TTC12: variants seen among roughly 807,000 people sequenced by gnomAD.
The protein encoded by TTC12 is tetratricopeptide repeat domain 12, also known as tetratricopeptide repeat protein 12.
TTC12 carries 70 observed loss-of-function variants against 90.1 expected under a neutral mutation model. That is an observed-to-expected ratio of 0.78 (90% CI 0.64 to 0.95). The LOEUF (loss-of-function observed/expected upper bound fraction) is 0.95, where lower values mean the gene tolerates loss of function less well. TTC12 is among the 40% of genes least tolerant of loss of function. The pLI is 0.00. For missense variants in TTC12, 819 were observed against 846.1 expected, an observed-to-expected ratio of 0.97 and a Z score of 0.40; for synonymous variants, 296 against 311.5, an observed-to-expected ratio of 0.95 and a Z score of 0.53.
At position 113,323,416 on chromosome 11, in the gene TTC12, A is replaced by G. The variant is rs1555139504; in HGVS notation, c.187A>G (p.Lys63Glu). Reference protein sequence around the residue: ...EEDECRTTLNKTMISPPQTAM... With the variant: ...EEDECRTTLNETMISPPQTAM... Reference sequence around the variant, plus strand: ...GGATGAATGCAGGACCACCTTGAACAAGACTATGATCAGTCCTCCACAAAC... The same window carrying G: ...GGATGAATGCAGGACCACCTTGAACGAGACTATGATCAGTCCTCCACAAAC... Residue 63 changes from lysine to glutamate, a missense_variant, in exon 3 of 22, where the codon AAG (lysine) becomes GAG (glutamate). Coordinates refer to ENST00000529221, the MANE Select transcript of TTC12 (RefSeq NM_017868.4). 6.2e-7 allele frequency: 1 copy of G among 1,610,784 alleles called. No individual in the cohort carries two copies. The highest frequency in any genetic ancestry group is 8.5e-7 in the Non-Finnish European group (1 of 1,179,042).
intron 6 of TTC12, among the ~76,000 whole-genome samples, chr11:113,325,983 C>A (rs1347416831): frequency 6.6e-6 from 1 of 152,166 alleles, no homozygotes; most frequent in Non-Finnish European, 1.5e-5. Context: ...AATGAAATGA[C>A]CTATGGGACC....
At chr11:113,344,857 G>A (rs1414439043) in intron 13 of TTC12, among the ~76,000 whole-genome samples, 4 of 152,158 alleles carry the variant, frequency 2.6e-5, no homozygotes, top group African/African-American at 9.7e-5. Flanking sequence ...TGTGGAACAA[G>A]ATGGAGTATG....
intron 2 of TTC12, 82 bp from the exon 3 acceptor site, chr11:113,323,206 G>A: frequency 9.2e-7 from 1 of 1,087,710 alleles, no homozygotes; most frequent in Non-Finnish European, 1.2e-6. Context: ...TCTTTCCCAT[G>A]CATTTTATGC....
At chr11:113,364,287 G>C in intron 20 of TTC12, 1 of 233,684 alleles carries the variant, frequency 4.3e-6, no homozygotes, top group South Asian at 7.3e-5. Flanking sequence ...TCTGAGCCTA[G>C]GTTTAGTCCA....
chr11:113,334,477 CA>C (rs1948236569), intron 7 of TTC12, among the ~76,000 whole-genome samples: 1 of 152,086 alleles, frequency 6.6e-6, no homozygotes, highest in South Asian at 2.1e-4. Context: ...ATGGTAACCT[CA>C]GCTGTTTTCT....
At chr11:113,368,432 G>A (rs751442116), downstream of TTC12, 84 of 1,550,182 alleles carry the variant, frequency 5.4e-5, no homozygotes, top group South Asian at 1.2e-4. Flanking sequence ...CAGGAGCCCC[G>A]ACACCACCCT....
At chr11:113,325,167 G>A (rs1591526731) in intron 5 of TTC12, among the ~76,000 whole-genome samples, 1 of 152,144 alleles carries the variant, frequency 6.6e-6, no homozygotes, top group Non-Finnish European at 1.5e-5. Flanking sequence ...GGCTGTGTGT[G>A]CTGCAGGTCT....
intron 7 of TTC12, among the ~76,000 whole-genome samples, chr11:113,330,819 C>T (rs1948015378): frequency 6.6e-6 from 1 of 152,138 alleles, no homozygotes; most frequent in Non-Finnish European, 1.5e-5. Flanking sequence ...TTGCACAGCA[C>T]TTCATAAAAC....
chr11:113,323,579 A>G (rs1333206641), intron 3 of TTC12, 128 bp downstream of exon 3: 1 of 598,542 alleles, frequency 1.7e-6, no homozygotes, highest in Non-Finnish European at 2.6e-6. Context: ...TATTTTTTAT[A>G]AGAAAGTATA....
At chr11:113,326,426 A>T (rs553344726) in intron 6 of TTC12, among the ~76,000 whole-genome samples, 23 of 152,286 alleles carry the variant, frequency 1.5e-4, no homozygotes, top group Admixed American at 1.5e-3. Context: ...AGAATATGTC[A>T]GCAGGACCTG....
At chr11:113,368,347 A>G (rs1399142523), downstream of TTC12, 3 of 1,547,346 alleles carry the variant, frequency 1.9e-6, no homozygotes, top group Non-Finnish European at 2.6e-6. Flanking sequence ...CCCCTAACAC[A>G]TGCTACCATG....
At position 113,323,510 on chromosome 11, in the gene TTC12, G is replaced by A. The variant is rs143422277; in HGVS notation, c.222+59G>A. 2.6e-4 allele frequency: 314 copies of A among 1,222,640 alleles called. No individual in the cohort carries two copies. In the African/African-American group the frequency reaches 4.2e-3, roughly 16 times the overall value. The allele number at this position is 1,222,640 out of a possible 1,614,324, so 75.7% of individuals were successfully genotyped here. A position where few individuals can be genotyped will look rare whatever the true frequency, so the allele number is the denominator to read the frequency against. On this transcript the variant is annotated intron_variant, in intron 3 of 21. Transcript: ENST00000529221. ...TTACAGTGAGAAGACCTACACCTAG[G>A]CAGTAGTTTAATCTCAAACTGTCCA...
At chr11:113,337,964 G>A (rs1948463719) in intron 8 of TTC12, among the ~76,000 whole-genome samples, 1 of 152,144 alleles carries the variant, frequency 6.6e-6, no homozygotes. Flanking sequence ...TTCTGTTCCT[G>A]CGACACTGTT....
At chr11:113,342,266 C>T (rs1555146427) in intron 12 of TTC12, among the ~76,000 whole-genome samples, 5 of 152,042 alleles carry the variant, frequency 3.3e-5, no homozygotes, top group Non-Finnish European at 7.4e-5. Flanking sequence ...TTTTGCTAAC[C>T]ACAGTACCTT....
rs533380106 is a variant in TTC12, at chr11:113,353,537, C to T, written c.1446+1330C>T. 2.6e-5 allele frequency among the ~76,000 whole-genome samples: 4 copies of T among 152,214 alleles called. No homozygotes were observed. In the East Asian group the frequency reaches 5.8e-4, roughly 22 times the overall value. On this transcript the variant is annotated intron_variant, in intron 16 of 21. Coordinates refer to ENST00000529221, the MANE Select transcript of TTC12 (RefSeq NM_017868.4). ...GTGTCTTTGTCATGAAATCTTTGCT[C>T]GTTCCTGTGTGTAGAATGGTATTGC...
chr11:113,362,724 A>G lies in TTC12; in HGVS notation c.1716+222A>G, dbSNP rs61454356. Among the ~76,000 whole-genome samples, 872 of 152,310 alleles carry G rather than the reference A, an allele frequency of 5.7e-3. 11 individuals are homozygous for G. The highest frequency in any genetic ancestry group is 0.02 in the African/African-American group (830 of 41,572). On this transcript the variant is annotated intron_variant, in intron 19 of 21. Coordinates refer to ENST00000529221, the MANE Select transcript of TTC12 (RefSeq NM_017868.4). Reference sequence around the variant, plus strand: ...AATAAATAAGAAAATTGTTCATTAGATACATCTATAAAACCTGCTTACCCC... The same window carrying G: ...AATAAATAAGAAAATTGTTCATTAGGTACATCTATAAAACCTGCTTACCCC...
intron 8 of TTC12, among the ~76,000 whole-genome samples, chr11:113,336,538 C>T (rs1390627031): frequency 1.3e-5 from 2 of 152,078 alleles, no homozygotes; most frequent in African/African-American, 2.4e-5. Flanking sequence ...ATCTCCAATC[C>T]ATTTTGAGTT....
At chr11:113,323,540 G>A in intron 3 of TTC12, 89 bp downstream of exon 3, 1 of 824,054 alleles carries the variant, frequency 1.2e-6, no homozygotes, top group African/African-American at 1.8e-5. Context: ...TGTCCAGCAA[G>A]GCTGAAATGG....
chr11:113,368,416 A>G (rs1474995299), downstream of TTC12: 1 of 1,549,706 alleles, frequency 6.5e-7, no homozygotes, highest in South Asian at 1.2e-5. Context: ...CCTCATCTCC[A>G]CTTGCCAGGA....
Sources: allele counts gnomAD v4.1 joint callset (sites outside exome capture counted in the v4.1 genomes callset), GRCh38; gene constraint gnomAD v4.1.1; transcripts MANE v1.5; gene names NCBI Gene and HGNC (gene_info 2026-07-23, HGNC 2026-07-21).